The following ZDHHC11 variants were observed in gnomAD, a reference collection of about 807,000 sequenced individuals.
ZDHHC11 encodes the protein palmitoyltransferase ZDHHC11.
A neutral mutation model predicts 51.3 loss-of-function variants in ZDHHC11; 44 were observed. The ratio of observed to expected loss-of-function variants is 0.86; its 90% CI spans 0.67 to 1.10. The LOEUF (loss-of-function observed/expected upper bound fraction) is 1.10, where lower values mean the gene tolerates loss of function less well. ZDHHC11 is among the 50% of genes least tolerant of loss of function. The pLI, the probability that ZDHHC11 is intolerant of heterozygous loss-of-function variation, is 0.00. For synonymous variants in ZDHHC11, 163 were observed against 222.0 expected (o/e 0.73, Z 2.36); for missense variants, 400 against 537.7 (o/e 0.74, Z 2.53).
rs146655572 is a variant in ZDHHC11 at position 841,941 on chromosome 5, C to T, written c.629-1291G>A. The T allele has an allele frequency of 5.2e-4, 516 of 989,796 alleles. 5 individuals are homozygous for T. In the African/African-American group the frequency reaches 7.8e-3, roughly 15 times the overall value. The allele number at this position is 989,796 out of a possible 1,614,324, so 61.3% of individuals were successfully genotyped here. A position where few individuals can be genotyped will look rare whatever the true frequency, so the allele number is the denominator to read the frequency against. ...CATCCTAGAAGGCAAACACCACACT[C>T]AGCCTGACAGGACCGCAGCTCCATG... On this transcript the variant is annotated intron_variant, in intron 4 of 12. Transcript: ENST00000283441.
chr5:853,865 G>A (rs1333532785), upstream of ZDHHC11, among the ~76,000 whole-genome samples: 11 of 147,522 alleles, frequency 7.5e-5, no homozygotes, highest in African/African-American at 2.3e-4. Flanking sequence ...AGTGAGCAGC[G>A]GGGACAGACC....
chr5:804,051 T>G (rs6892957), intron 11 of ZDHHC11, among the ~76,000 whole-genome samples: 30,424 of 149,594 alleles, frequency 0.2, 4,560 homozygotes, highest in African/African-American at 0.41. Flanking sequence ...GTCTCCAAAG[T>G]AGAAGAGAAA....
At chr5:854,708 A>G (rs1215692527), upstream of ZDHHC11, among the ~76,000 whole-genome samples, 2 of 148,820 alleles carry the variant, frequency 1.3e-5, no homozygotes, top group Non-Finnish European at 3.0e-5. Context: ...CCGGGGGGAC[A>G]GACCGCACAG....
chr5:813,467 AG>A (rs1215403331), intron 11 of ZDHHC11, among the ~76,000 whole-genome samples: 1 of 143,860 alleles, frequency 7.0e-6, no homozygotes, highest in East Asian at 2.0e-4. Context: ...CTGGGGTCCC[AG>A]GTGCCTCTAG....
intron 12 of ZDHHC11, among the ~76,000 whole-genome samples, chr5:799,903 CAACTT>C (rs1438303315): frequency 1.3e-5 from 2 of 151,444 alleles, no homozygotes; most frequent in African/African-American, 2.4e-5. Flanking sequence ...CTTCTCATCT[CAACTT>C]GTCTCCAATT....
chr5:801,186 A>G, intron 11 of ZDHHC11, 22 bp from the exon 12 acceptor site: 1 of 1,609,790 alleles, frequency 6.2e-7, no homozygotes, highest in Non-Finnish European at 8.5e-7. Context: ...ATTCAGAAAG[A>G]GAAACAACAG....
chr5:843,908 AGGGAC>A (rs1745584295), intron 3 of ZDHHC11, among the ~76,000 whole-genome samples, 184 bp from the exon 4 acceptor site: 1 of 106,586 alleles, frequency 9.4e-6, no homozygotes, highest in African/African-American at 4.9e-5. Context: ...AGGCAGGGGC[AGGGAC>A]ACGCAGGGCA....
intron 11 of ZDHHC11, among the ~76,000 whole-genome samples, chr5:809,552 C>T (rs1313297956): frequency 4.0e-5 from 6 of 149,402 alleles, no homozygotes; most frequent in South Asian, 2.1e-4. Flanking sequence ...CATCAGACAC[C>T]GGATCTGCCG....
intron 10 of ZDHHC11, among the ~76,000 whole-genome samples, chr5:818,785 C>T (rs1220110289): frequency 6.6e-6 from 1 of 151,496 alleles, no homozygotes; most frequent in African/African-American, 2.4e-5. Context: ...CGCTTGAGCC[C>T]AGGAGGTGGA....
At chr5:815,258 T>C (rs1371691241) in intron 10 of ZDHHC11, among the ~76,000 whole-genome samples, 1 of 151,504 alleles carries the variant, frequency 6.6e-6, no homozygotes, top group East Asian at 1.9e-4. Context: ...GACACCGTGC[T>C]CTGGGACTTC....
At chr5:813,744 G>A (rs1032627265) in intron 11 of ZDHHC11, among the ~76,000 whole-genome samples, 1 of 145,798 alleles carries the variant, frequency 6.9e-6, no homozygotes, top group Non-Finnish European at 1.5e-5. Context: ...GCTGGGGTGG[G>A]GGCTTCCCCT....
chr5:801,380 A>G (rs543674879), intron 11 of ZDHHC11, among the ~76,000 whole-genome samples: 19 of 151,822 alleles, frequency 1.3e-4, no homozygotes, highest in Non-Finnish European at 2.1e-4. Flanking sequence ...TTTCTTCTGC[A>G]TGTGTGCTGA....
intron 11 of ZDHHC11, among the ~76,000 whole-genome samples, chr5:801,603 C>T (rs1738431152): frequency 1.3e-5 from 2 of 151,286 alleles, no homozygotes; most frequent in South Asian, 2.1e-4. Flanking sequence ...ATCTTGAGTA[C>T]AGGTGTTTTG....
chr5:796,234 A>C lies in ZDHHC11; in HGVS notation c.*354T>G, dbSNP rs1317180395. ...AACATGCCCGGCCCATCAGCTCTTA[A>C]GCAGCAAGAGGCCCTGCAGCTGGCT... On this transcript the variant is annotated 3_prime_UTR_variant, in exon 13 of 13. Coordinates refer to ENST00000283441, the MANE Select transcript of ZDHHC11 (RefSeq NM_024786.3). 1 of 143,938 alleles carries C rather than the reference A, an allele frequency of 6.9e-6. No individual in the cohort carries two copies. The highest frequency in any genetic ancestry group is 2.6e-5 in the African/African-American group (1 of 38,552). 8.9% of individuals were successfully genotyped at this position (143,938 alleles called of 1,614,324 possible). A position where few individuals can be genotyped will look rare whatever the true frequency, so the allele number is the denominator to read the frequency against.
At chr5:798,790 A>ATATT (rs1193135418) in intron 12 of ZDHHC11, among the ~76,000 whole-genome samples, 1 of 147,062 alleles carries the variant, frequency 6.8e-6, no homozygotes, top group East Asian at 2.0e-4. Flanking sequence ...AGTGGTGAAT[A>ATATT]TTTTTTTTTT....
At chr5:854,557 G>A (rs532102293), upstream of ZDHHC11, among the ~76,000 whole-genome samples, 1 of 149,002 alleles carries the variant, frequency 6.7e-6, no homozygotes, top group South Asian at 2.1e-4. Flanking sequence ...AGATCCCACA[G>A]AGAACAGTGA....
intron 12 of ZDHHC11, 62 bp from the exon 13 acceptor site, chr5:796,642 G>T (rs1215946050): frequency 6.6e-6 from 1 of 151,564 alleles, no homozygotes; most frequent in South Asian, 2.1e-4. Flanking sequence ...AGCTCTACTT[G>T]TGATGGAAAC....
rs375287151 is a variant in ZDHHC11, at chr5:825,149, G to C, written c.1023+15C>G. On this transcript the variant is annotated intron_variant, in intron 8 of 12. Transcript: ENST00000283441. Reference sequence around the variant, plus strand: ...GCCCTGACCTCGGGGTGCATCGCTGGTGACTGCAACTTACCCGTGCCGTCG... The same window carrying C: ...GCCCTGACCTCGGGGTGCATCGCTGCTGACTGCAACTTACCCGTGCCGTCG... 6.2e-7 allele frequency: 1 copy of C among 1,608,008 alleles called. No homozygotes were observed. The highest frequency in any genetic ancestry group is 1.3e-5 in the African/African-American group (1 of 74,834).
Position 824,057 on chromosome 5 carries a change from G to T in ZDHHC11, c.1023+1107C>A. ...TTTTATTTCCAAGTCACAGGAGCCT[G>T]TTCCCTGAAATCCTGGGGAAGTGTG... On this transcript the variant is annotated intron_variant, in intron 8 of 12. Transcript: ENST00000283441. 3 of 454,404 alleles carry T rather than the reference G, an allele frequency of 6.6e-6. 1 individual carries two copies. Among genetic ancestry groups the T allele is most frequent in the South Asian group, 4.7e-5 (3 of 64,416 alleles). 28.1% of individuals were successfully genotyped at this position (454,404 alleles called of 1,614,324 possible). A position where few individuals can be genotyped will look rare whatever the true frequency, so the allele number is the denominator to read the frequency against.
Sources: allele counts gnomAD v4.1 joint callset (sites outside exome capture counted in the v4.1 genomes callset), GRCh38; gene constraint gnomAD v4.1.1; transcripts MANE v1.5; gene names NCBI Gene and HGNC (gene_info 2026-07-23, HGNC 2026-07-21).